ZFPM1: variants seen among roughly 807,000 people sequenced by gnomAD.
ZFPM1 encodes zinc finger protein, FOG family member 1, also known as zinc finger protein ZFPM1.
ZFPM1 carries 28 observed loss-of-function variants against 46.3 expected under a neutral mutation model. That is an observed-to-expected ratio of 0.60 (90% CI 0.45 to 0.83). ZFPM1 has a LOEUF of 0.83. ZFPM1 is among the 40% of genes least tolerant of loss of function. The probability of loss-of-function intolerance (pLI) is 0.00; values close to 1 mark genes in which losing one functional copy is unlikely to be tolerated. For missense variants in ZFPM1, 1,878 were observed against 1,432.4 expected (o/e 1.31, Z -5.02); for synonymous variants, 957 against 675.9 (o/e 1.42, Z -6.45).
intron 1 of ZFPM1, among the ~76,000 whole-genome samples, chr16:88,468,278 G>A (rs915469777): frequency 3.3e-5 from 5 of 152,014 alleles, no homozygotes; most frequent in African/African-American, 9.7e-5. Context: ...CACTGCCTGC[G>A]GCGCACAGAG....
chr16:88,455,132 G>GGGGTGTGTGTGTGTGTGT (rs1181672760), intron 1 of ZFPM1, among the ~76,000 whole-genome samples: 1 of 141,674 alleles, frequency 7.1e-6, no homozygotes, highest in African/African-American at 2.7e-5. Flanking sequence ...TCGGTTCTGG[G>GGGGTGTGTGTGTGTGTGT]GTGTGTGTGT....
intron 4 of ZFPM1, among the ~76,000 whole-genome samples, chr16:88,521,641 C>CGTGCTGTTCCCTCCCCT (rs1216180610): frequency 1.4e-5 from 2 of 145,650 alleles, no homozygotes; most frequent in Non-Finnish European, 1.5e-5. Flanking sequence ...TTCCCTCCCC[C>CGTGCTGTTCCCTCCCCT]GTGCTGTTCC....
At chr16:88,455,348 C>T (rs1907496576) in intron 1 of ZFPM1, among the ~76,000 whole-genome samples, 1 of 152,126 alleles carries the variant, frequency 6.6e-6, no homozygotes, top group African/African-American at 2.4e-5. Context: ...GCACGGTGAG[C>T]CACCGCGGCC....
At chr16:88,531,954 C>G (rs763680935) in intron 6 of ZFPM1, 48 bp from the exon 7 acceptor site, 132 of 1,529,880 alleles carry the variant, frequency 8.6e-5, no homozygotes, top group Non-Finnish European at 4.6e-5. Context: ...CTTGCCCTGG[C>G]TGGCAGGCTG....
Position 88,480,350 on chromosome 16 carries a change from G to C in ZFPM1, c.41-5589G>C, listed in dbSNP as rs1052178762. 1.3e-5 allele frequency among the ~76,000 whole-genome samples: 2 copies of C among 152,214 alleles called. No individual in the cohort carries two copies. Among genetic ancestry groups the C allele is most frequent in the African/African-American group, 4.8e-5 (2 of 41,462 alleles). On this transcript the variant is annotated intron_variant, in intron 1 of 9. Coordinates refer to ENST00000319555, the MANE Select transcript of ZFPM1 (RefSeq NM_153813.3). This position sits in a 1 kb window ranked among gnomAD's most constrained non-coding sequence, Gnocchi z 4.9. ...GTGGGGCACGCCAAGGGCTCAGGAA[G>C]GGGAAAGGAGCCAGCGAAAGCGAAG...
In ZFPM1 at chr16:88,535,081, C is replaced by T. The variant is rs1913184649; in HGVS notation, c.*102C>T. 2.3e-6 allele frequency: 3 copies of T among 1,314,102 alleles called. No homozygotes were observed. The highest frequency in any genetic ancestry group is 2.9e-6 in the Non-Finnish European group (3 of 1,021,066). The allele number at this position is 1,314,102 out of a possible 1,614,324, so 81.4% of individuals were successfully genotyped here. A position where few individuals can be genotyped will look rare whatever the true frequency, so the allele number is the denominator to read the frequency against. ...ACTGCCGCTCCTGGGAACCCCGCCA[C>T]GCACAGGCCTCGGCGGAGGGGGCCG... On this transcript the variant is annotated 3_prime_UTR_variant, in exon 10 of 10. Transcript: ENST00000319555.
intron 6 of ZFPM1, among the ~76,000 whole-genome samples, chr16:88,529,566 G>A (rs1912620010): frequency 6.6e-6 from 1 of 152,238 alleles, no homozygotes; most frequent in Non-Finnish European, 1.5e-5. Context: ...AGTCCACTGA[G>A]GGACAAGGAT....
intron 2 of ZFPM1, among the ~76,000 whole-genome samples, chr16:88,488,252 G>A (rs2142376346): frequency 6.6e-6 from 1 of 152,184 alleles, no homozygotes; most frequent in South Asian, 2.1e-4. Context: ...TTCCCGGGGA[G>A]CCAGGCTCCT....
intron 3 of ZFPM1, among the ~76,000 whole-genome samples, chr16:88,501,870 A>T (rs1189713881): frequency 1.3e-5 from 2 of 151,932 alleles, no homozygotes; most frequent in Admixed American, 1.3e-4. Context: ...TTGCCATGGG[A>T]TCAACCCCAG....
At chr16:88,478,297 C>T (rs1413536383) in intron 1 of ZFPM1, among the ~76,000 whole-genome samples, 3 of 152,194 alleles carry the variant, frequency 2.0e-5, no homozygotes, top group East Asian at 1.9e-4. Flanking sequence ...CACCGGCATC[C>T]GCTTTTGTGG....
At chr16:88,472,046 T>C (rs2142355522) in intron 1 of ZFPM1, among the ~76,000 whole-genome samples, 1 of 152,272 alleles carries the variant, frequency 6.6e-6, no homozygotes, top group East Asian at 1.9e-4. Flanking sequence ...TTGGGGCCAC[T>C]CTCAGGACAG....
intron 3 of ZFPM1, among the ~76,000 whole-genome samples, chr16:88,490,452 C>T (rs991792534): frequency 5.3e-5 from 8 of 152,348 alleles, no homozygotes; most frequent in East Asian, 1.9e-4. Flanking sequence ...AGCAGGGCCC[C>T]GTCTGTGGAG....
intron 4 of ZFPM1, among the ~76,000 whole-genome samples, chr16:88,518,498 G>C (rs1408252068): frequency 6.6e-6 from 1 of 151,878 alleles, no homozygotes; most frequent in Non-Finnish European, 1.5e-5. Context: ...CAGATGTGTA[G>C]GTAGATGGAT....
intron 3 of ZFPM1, among the ~76,000 whole-genome samples, chr16:88,512,409 T>TCAGGAACAG (rs1228505255): frequency 1.3e-5 from 2 of 152,160 alleles, no homozygotes. Flanking sequence ...CAGCAGGGAC[T>TCAGGAACAG]CTGGTCAGGA....
At position 88,532,067 on chromosome 16, in the gene ZFPM1, C is replaced by T. The variant is rs766964327; in HGVS notation, c.778C>T (p.Leu260=). 1 of 1,612,482 alleles carries T rather than the reference C, an allele frequency of 6.2e-7. No homozygotes were observed. Among genetic ancestry groups the T allele is most frequent in the Non-Finnish European group, 8.5e-7 (1 of 1,179,726 alleles). The change falls in exon 7 of 10, where the codon CTG becomes TTG. Residue 260 remains leucine, a synonymous_variant. Coordinates refer to ENST00000319555, the MANE Select transcript of ZFPM1 (RefSeq NM_153813.3). ...YRSERNLQAH[L]LYYCASRQGT... The stretch of plus-strand genomic sequence containing the variant: ...CAGCGAGCGCAACCTGCAGGCGCAC[C>T]TGCTCTACTACTGCGCCAGCCGCCA...
intron 3 of ZFPM1, among the ~76,000 whole-genome samples, chr16:88,502,994 A>G (rs1458681959): frequency 6.6e-6 from 1 of 152,192 alleles, no homozygotes; most frequent in Non-Finnish European, 1.5e-5. Flanking sequence ...AAGGCCCCTC[A>G]GGGCTGGAAG....
intron 1 of ZFPM1, among the ~76,000 whole-genome samples, chr16:88,476,398 G>A (rs946720564): frequency 5.9e-5 from 9 of 152,072 alleles, no homozygotes; most frequent in East Asian, 1.9e-4. Flanking sequence ...CTGGGGGTGC[G>A]GCCGTGAGCA....
intron 3 of ZFPM1, among the ~76,000 whole-genome samples, chr16:88,495,351 C>T (rs544195443): frequency 6.6e-6 from 1 of 152,332 alleles, no homozygotes; most frequent in African/African-American, 2.4e-5. Flanking sequence ...CAGGCCTCCG[C>T]CACCTCCCTC....
chr16:88,516,204 T>A (rs1218881806), intron 4 of ZFPM1: 1 of 398,606 alleles, frequency 2.5e-6, no homozygotes. Context: ...CATCTGCCTA[T>A]CCCCGGAGAC....
Sources: allele counts gnomAD v4.1 joint callset (sites outside exome capture counted in the v4.1 genomes callset), GRCh38; gene constraint gnomAD v4.1.1; non-coding constraint Gnocchi (gnomAD v3.1); transcripts MANE v1.5; gene names NCBI Gene and HGNC (gene_info 2026-07-23, HGNC 2026-07-21).